CIMIP2C: variants seen among roughly 807,000 people sequenced by gnomAD.
The protein encoded by CIMIP2C is UPF0573 protein C2orf70.
At chr2:26,574,016 A>G in the CIMIP2C span, among the ~76,000 whole-genome samples, 1 of 152,228 alleles carries the variant, frequency 6.6e-6, no homozygotes. Flanking sequence ...AAAAGAAGGA[A>G]ACCATGCATT....
the CIMIP2C span, among the ~76,000 whole-genome samples, chr2:26,569,625 A>G: frequency 6.6e-6 from 1 of 152,154 alleles, no homozygotes; most frequent in South Asian, 2.1e-4. Flanking sequence ...AAGCAGTGCT[A>G]TTAAGAGTCA....
the CIMIP2C span, among the ~76,000 whole-genome samples, chr2:26,565,102 C>T: frequency 2.1e-5 from 3 of 144,486 alleles, no homozygotes; most frequent in African/African-American, 7.6e-5. Context: ...ACCCCTTCTT[C>T]TTTTTTTAAT....
At chr2:26,577,832 C>A in the CIMIP2C span, 1 of 515,526 alleles carries the variant, frequency 1.9e-6, no homozygotes. Context: ...CCTGAATGGG[C>A]GAATCAGGAA....
At chr2:26,572,067 C>T in the CIMIP2C span, 1 of 1,532,174 alleles carries the variant, frequency 6.5e-7, no homozygotes, top group South Asian at 1.3e-5. Context: ...CATCAAAGGA[C>T]TAAAGCCATT....
chr2:26,575,242 T>G, the CIMIP2C span, among the ~76,000 whole-genome samples: 1 of 152,200 alleles, frequency 6.6e-6, no homozygotes, highest in Non-Finnish European at 1.5e-5. Context: ...GGGAGGCTGC[T>G]GTGCTGGGAG....
At chr2:26,571,012 C>A in the CIMIP2C span, among the ~76,000 whole-genome samples, 1 of 152,044 alleles carries the variant, frequency 6.6e-6, no homozygotes, top group Admixed American at 6.5e-5. Context: ...TTGGAGGGGG[C>A]AGGGATATAC....
chr2:26,574,997 G>A, the CIMIP2C span, among the ~76,000 whole-genome samples: 1 of 152,256 alleles, frequency 6.6e-6, no homozygotes, highest in African/African-American at 2.4e-5. Flanking sequence ...TCTGGCGCCT[G>A]TACTCTCTGG....
the CIMIP2C span, among the ~76,000 whole-genome samples, chr2:26,567,691 G>A: frequency 6.6e-6 from 1 of 152,186 alleles, no homozygotes. Context: ...GCATCTTGGG[G>A]TATGAAACAA....
At chr2:26,577,446 T>C in the CIMIP2C span, 2 of 1,361,120 alleles carry the variant, frequency 1.5e-6, no homozygotes, top group Non-Finnish European at 2.1e-6. Flanking sequence ...CAGCGAGGCA[T>C]GGACTGCAGG....
the CIMIP2C span, among the ~76,000 whole-genome samples, chr2:26,564,905 T>C: frequency 6.6e-6 from 1 of 152,192 alleles, no homozygotes; most frequent in Non-Finnish European, 1.5e-5. Flanking sequence ...ACGCTGGTGA[T>C]TGAAGTGCTG....
chr2:26,570,165 G>A, the CIMIP2C span, among the ~76,000 whole-genome samples: 42 of 152,354 alleles, frequency 2.8e-4, no homozygotes, highest in Non-Finnish European at 5.6e-4. Flanking sequence ...TGCAAATATC[G>A]TGGCATTCAG....
the CIMIP2C span, among the ~76,000 whole-genome samples, chr2:26,570,043 C>T: frequency 0.17 from 26,633 of 152,194 alleles, 2,430 homozygotes; most frequent in African/African-American, 0.2. Context: ...TGAACCTGCC[C>T]ATGTGTGCAA....
chr2:26,579,275 G>C, the CIMIP2C span: 3 of 1,612,760 alleles, frequency 1.9e-6, no homozygotes, highest in African/African-American at 2.7e-5. Flanking sequence ...CATAACACCA[G>C]TCCCATCCTC....
At chr2:26,576,159 T>C in the CIMIP2C span, 19 of 1,613,670 alleles carry the variant, frequency 1.2e-5, no homozygotes, top group Non-Finnish European at 1.6e-5. Flanking sequence ...TCCACAGAGC[T>C]TACGAATTTC....
At chr2:26,563,012 G>A in the CIMIP2C span, 55 of 364,774 alleles carry the variant, frequency 1.5e-4, no homozygotes, top group Middle Eastern at 1.5e-3. Context: ...AGTGCTTGGA[G>A]ACGCCCCAGG....
chr2:26,566,344 GC>G, the CIMIP2C span, among the ~76,000 whole-genome samples: 1 of 152,194 alleles, frequency 6.6e-6, no homozygotes, highest in East Asian at 1.9e-4. Context: ...TAAAATCAGT[GC>G]GTTCCACTCC....
At chr2:26,564,591 A>T in the CIMIP2C span, among the ~76,000 whole-genome samples, 1 of 152,222 alleles carries the variant, frequency 6.6e-6, no homozygotes, top group African/African-American at 2.4e-5. Context: ...TCAGCAAGGG[A>T]TGAATTGAGT....
At chr2:26,573,719 G>A in the CIMIP2C span, among the ~76,000 whole-genome samples, 4 of 152,222 alleles carry the variant, frequency 2.6e-5, no homozygotes, top group African/African-American at 7.2e-5. Context: ...AGTCAGGACC[G>A]CCAGGGTCAC....
chr2:26,571,046 C>T, the CIMIP2C span, among the ~76,000 whole-genome samples: 3 of 152,076 alleles, frequency 2.0e-5, no homozygotes, highest in South Asian at 4.1e-4. Flanking sequence ...GTTTCAGTGG[C>T]GCTGAGTCTG....
Sources: gnomAD v4.1 joint callset for allele counts (sites outside exome capture counted in the v4.1 genomes callset) on GRCh38, gnomAD v4.1.1 for gene constraint, MANE v1.5 for transcripts, NCBI Gene and HGNC (gene_info 2026-07-23, HGNC 2026-07-21) for gene names.